The following IL17RB variants were observed in gnomAD, a reference collection of about 807,000 sequenced individuals.
IL17RB encodes the protein interleukin 17 receptor B.
Under a neutral mutation model 43.9 loss-of-function variants are expected in IL17RB, and 36 were observed. That is an observed-to-expected ratio of 0.82 (90% CI 0.63 to 1.08). The LOEUF (loss-of-function observed/expected upper bound fraction) is 1.08. Ranked by LOEUF, IL17RB falls within the 50% of genes least tolerant of loss-of-function variation. The pLI is 0.00. For synonymous variants in IL17RB, 225 were observed against 225.4 expected (o/e 1.00, Z 0.02); for missense variants, 613 against 613.6 (o/e 1.00, Z 0.01).
chr3:53,852,378 G>T (rs1202352058), intron 4 of IL17RB, among the ~76,000 whole-genome samples: 1 of 152,098 alleles, frequency 6.6e-6, no homozygotes, highest in African/African-American at 2.4e-5. Flanking sequence ...CAAGCGATCT[G>T]CCTGCCTCAG....
intron 6 of IL17RB, among the ~76,000 whole-genome samples, chr3:53,855,989 G>C (rs1234452053): frequency 1.3e-5 from 2 of 152,192 alleles, no homozygotes; most frequent in African/African-American, 4.8e-5. Context: ...GTGGTATTTG[G>C]ATCAGCCCAG....
At chr3:53,853,634 G>A (rs79000338) in intron 5 of IL17RB, among the ~76,000 whole-genome samples, 6,989 of 152,264 alleles carry the variant, frequency 0.046, 280 homozygotes, top group East Asian at 0.2. Context: ...CTGTGATGAG[G>A]ATGAGACAGG....
chr3:53,865,480 C>T lies in IL17RB; in HGVS notation c.*172C>T, dbSNP rs66720724. On this transcript the variant is annotated 3_prime_UTR_variant, in exon 11 of 11. Coordinates refer to ENST00000288167, the MANE Select transcript of IL17RB (RefSeq NM_018725.4). ...TGCTAACTAATGTAGCATTAACTAA[C>T]GATTGGAAACTACATTTACAACTTC... 21,829 of 535,048 alleles carry T rather than the reference C, an allele frequency of 0.041. 539 individuals carry two copies. The highest frequency in any genetic ancestry group is 0.081 in the Middle Eastern group (168 of 2,082). 33.1% of individuals were successfully genotyped at this position (535,048 alleles called of 1,614,324 possible). A position where few individuals can be genotyped will look rare whatever the true frequency, so the allele number is the denominator to read the frequency against.
chr3:53,855,111 C>T (rs1485562783), intron 5 of IL17RB, among the ~76,000 whole-genome samples, 183 bp from the exon 6 acceptor site: 11 of 114,182 alleles, frequency 9.6e-5, no homozygotes, highest in Non-Finnish European at 1.4e-4. Flanking sequence ...AGCAAGACTC[C>T]GGCTCAAAAA....
Position 53,849,723 on chromosome 3 carries a change from C to T in IL17RB, c.154C>T (p.Pro52Ser). The change falls in exon 3 of 11, where the codon CCT (proline) becomes TCT (serine). Residue 52 changes from proline to serine, a missense_variant. Coordinates refer to ENST00000288167, the MANE Select transcript of IL17RB (RefSeq NM_018725.4). ...AGACTTGAGGGACCTCCGAGTAGAA[C>T]CTGTTACAACTAGTGTTGCAACAGG... is the stretch of plus-strand genomic sequence containing the variant. ...PGDLRDLRVE[P>S]VTTSVATGDY... The T allele has an allele frequency of 6.2e-7, 1 of 1,613,002 alleles. No individual in the cohort carries two copies. The highest frequency in any genetic ancestry group is 8.5e-7 in the Non-Finnish European group (1 of 1,179,442).
chr3:53,856,644 G>A (rs747818471), intron 6 of IL17RB, among the ~76,000 whole-genome samples, 200 bp from the exon 7 acceptor site: 3 of 152,210 alleles, frequency 2.0e-5, no homozygotes, highest in Admixed American at 6.5e-5. Flanking sequence ...AAGCAGCGAT[G>A]TACGGATCCC....
chr3:53,862,309 G>A (rs1404547034), intron 10 of IL17RB, among the ~76,000 whole-genome samples: 2 of 152,124 alleles, frequency 1.3e-5, no homozygotes, highest in East Asian at 3.9e-4. Flanking sequence ...AGTACTTTAT[G>A]GAAAGGATTG....
At chr3:53,853,661 G>T (rs1280026924) in intron 5 of IL17RB, among the ~76,000 whole-genome samples, 1 of 152,090 alleles carries the variant, frequency 6.6e-6, no homozygotes, top group Admixed American at 6.6e-5. Context: ...TGTGTGAAGG[G>T]TCTATCTGAG....
chr3:53,854,974 G>A (rs183766668), intron 5 of IL17RB, among the ~76,000 whole-genome samples: 7 of 152,086 alleles, frequency 4.6e-5, no homozygotes, highest in East Asian at 1.9e-4. Context: ...AAAATTAGCC[G>A]GGCGTGGTGG....
intron 10 of IL17RB, among the ~76,000 whole-genome samples, chr3:53,864,535 CA>C (rs1043498703): frequency 3.3e-4 from 46 of 139,546 alleles, no homozygotes; most frequent in Admixed American, 4.3e-4. Context: ...ACTATGTCTC[CA>C]AAAAAAAAAA....
chr3:53,857,035 T>C (rs768407030), intron 7 of IL17RB, 49 bp downstream of exon 7: 39 of 1,596,442 alleles, frequency 2.4e-5, no homozygotes, highest in East Asian at 4.5e-5. Context: ...CTTTCCTTAG[T>C]GTGTTGAAGG....
At chr3:53,848,776 C>T (rs1367030310) in intron 2 of IL17RB, 88 bp downstream of exon 2, 19 of 1,347,464 alleles carry the variant, frequency 1.4e-5, no homozygotes, top group Middle Eastern at 3.6e-4. Context: ...AATAGGTCAT[C>T]GAAGACCAGA....
At chr3:53,854,844 G>A (rs777509029) in intron 5 of IL17RB, among the ~76,000 whole-genome samples, 2 of 152,178 alleles carry the variant, frequency 1.3e-5, no homozygotes, top group African/African-American at 2.4e-5. Flanking sequence ...GATGGTTTTC[G>A]AGTCCTCTCT....
intron 2 of IL17RB, 113 bp from the exon 3 acceptor site, chr3:53,849,540 AAG>A (rs1553702088): frequency 7.1e-6 from 7 of 986,280 alleles, no homozygotes; most frequent in African/African-American, 3.4e-5. Context: ...TTAAAAAAAA[AAG>A]AAGTGAGGAA....
At position 53,846,598 on chromosome 3, in the gene IL17RB, G is replaced by C. The variant is rs1187424282; in HGVS notation, c.10G>C (p.Val4Leu). 6.3e-7 allele frequency: 1 copy of C among 1,586,344 alleles called. No individual in the cohort carries two copies. The highest frequency in any genetic ancestry group is 1.7e-5 in the Admixed American group (1 of 58,200). Reference protein sequence around the residue: MSLVLLSLAALCRS... With the variant: MSLLLLSLAALCRS... ...GCGCAGTGGCCCGGCGATGTCGCTC[G>C]TGCTGCTAAGCCTGGCCGCGCTGTG... is the stretch of plus-strand genomic sequence containing the variant. Residue 4 changes from valine (V) to leucine (L), a missense_variant, in exon 1 of 11, where the codon GTG becomes CTG. By Grantham distance (32) the Val-to-Leu change is conservative. Transcript: ENST00000288167.
At chr3:53,862,669 T>A (rs1699607465) in intron 10 of IL17RB, among the ~76,000 whole-genome samples, 1 of 152,196 alleles carries the variant, frequency 6.6e-6, no homozygotes, top group Non-Finnish European at 1.5e-5. Context: ...GAGGTGATGA[T>A]GAAGACGACA....
At chr3:53,853,757 G>A (rs1306031544) in intron 5 of IL17RB, among the ~76,000 whole-genome samples, 3 of 152,220 alleles carry the variant, frequency 2.0e-5, no homozygotes, top group African/African-American at 7.2e-5. Context: ...TTCACTGCTG[G>A]TCTTGGAGAT....
At chr3:53,856,513 C>A (rs1035456253) in intron 6 of IL17RB, among the ~76,000 whole-genome samples, 2 of 152,198 alleles carry the variant, frequency 1.3e-5, no homozygotes, top group Admixed American at 1.3e-4. Flanking sequence ...TCTCCCCATC[C>A]TGGGAAGTAG....
At chr3:53,854,424 G>C (rs1466378915) in intron 5 of IL17RB, among the ~76,000 whole-genome samples, 1 of 152,128 alleles carries the variant, frequency 6.6e-6, no homozygotes, top group Non-Finnish European at 1.5e-5. Context: ...TTTAGTCCCT[G>C]TGTGTCTCTC....
Sources: allele counts gnomAD v4.1 joint callset (sites outside exome capture counted in the v4.1 genomes callset), GRCh38; gene constraint gnomAD v4.1.1; transcripts MANE v1.5; gene names NCBI Gene and HGNC (gene_info 2026-07-23, HGNC 2026-07-21).